Variants in ZNF638 observed in about 807,000 individuals in gnomAD.
The protein encoded by ZNF638 is CTCL tumor antigen se33-1.
In ZNF638, 46 loss-of-function variants were observed where a neutral mutation model predicts 195.6. The observed-to-expected ratio is 0.24, with a 90% CI of 0.19 to 0.30. The LOEUF (loss-of-function observed/expected upper bound fraction) is 0.30, where lower values mean the gene tolerates loss of function less well. Among genes scored for constraint, ZNF638 ranks in the 10% least tolerant of loss-of-function variants. ZNF638 has a pLI of 1.00. For synonymous variants in ZNF638, 845 were observed against 772.0 expected (o/e 1.09, Z -1.57); for missense variants, 2,440 against 2,325.3 (o/e 1.05, Z -1.01).
intron 3 of ZNF638, among the ~76,000 whole-genome samples, chr2:71,359,073 TCGC>T (rs2079067933): frequency 1.3e-5 from 2 of 152,188 alleles, no homozygotes; most frequent in Non-Finnish European, 2.9e-5. Flanking sequence ...CTTATGTGAC[TCGC>T]TTAGTGTGAT....
At chr2:71,394,921 C>G (rs112461051) in intron 10 of ZNF638, among the ~76,000 whole-genome samples, 3 of 152,126 alleles carry the variant, frequency 2.0e-5, no homozygotes, top group African/African-American at 7.2e-5. Context: ...TGACAAGATG[C>G]GCTGGCATTC....
At chr2:71,420,371 TTTTA>T (rs1201785011) in intron 21 of ZNF638, among the ~76,000 whole-genome samples, 3 of 152,168 alleles carry the variant, frequency 2.0e-5, no homozygotes, top group Non-Finnish European at 4.4e-5. Flanking sequence ...TGTAAACAGA[TTTTA>T]TTTATCATCT....
At chr2:71,354,878 AT>A (rs2078998851) in intron 2 of ZNF638, among the ~76,000 whole-genome samples, 1 of 152,044 alleles carries the variant, frequency 6.6e-6, no homozygotes, top group East Asian at 1.9e-4. Flanking sequence ...ATTTTTCCCC[AT>A]GTTTTTCCTA....
chr2:71,379,900 T>C (rs946095041), intron 8 of ZNF638: 2 of 162,312 alleles, frequency 1.2e-5, no homozygotes, highest in African/African-American at 4.8e-5. Context: ...ATGTCTAATT[T>C]ATAAATTAAA....
intron 5 of ZNF638, 86 bp downstream of exon 5, chr2:71,364,338 T>C: frequency 7.3e-7 from 1 of 1,378,258 alleles, no homozygotes; most frequent in East Asian, 2.4e-5. Flanking sequence ...AGAAATGTTC[T>C]ACTTTATTAA....
intron 10 of ZNF638, chr2:71,395,579 G>A (rs920407430): frequency 5.2e-5 from 31 of 595,248 alleles, no homozygotes; most frequent in African/African-American, 1.9e-4. Flanking sequence ...ATCCTATTGC[G>A]CGCAGGACTG....
chr2:71,430,396 A>G (rs78948409), intron 25 of ZNF638, among the ~76,000 whole-genome samples: 7,208 of 152,284 alleles, frequency 0.047, 233 homozygotes, highest in Non-Finnish European at 0.073. Flanking sequence ...TATTGATTGT[A>G]GGACTTGATG....
intron 26 of ZNF638, among the ~76,000 whole-genome samples, chr2:71,432,962 C>T (rs996009076): frequency 1.3e-5 from 2 of 152,184 alleles, no homozygotes; most frequent in East Asian, 3.9e-4. Context: ...TGGCGCACAC[C>T]TGTAATCCTA....
rs1553471478 is a variant in ZNF638 at position 71,367,751 on chromosome 2, T to TTA, written c.1996-631_1996-630insTA. Among the ~76,000 whole-genome samples, 438 of 149,458 alleles carry TTA rather than the reference T, an allele frequency of 2.9e-3. 3 individuals carry two copies. Among genetic ancestry groups the TTA allele is most frequent in the Admixed American group, 8.9e-3 (134 of 15,020 alleles). ...ACCAGGCCTGGCCTTTTTTTTTTTTTAAAAATATAGAGTCTTAGTATGTTG... is the reference window on the plus strand; with the variant it reads ...ACCAGGCCTGGCCTTTTTTTTTTTTTTAAAAAATATAGAGTCTTAGTATGTTG... On this transcript the variant is annotated intron_variant, in intron 6 of 27. Coordinates refer to ENST00000264447, the MANE Select transcript of ZNF638 (RefSeq NM_014497.5).
intron 11 of ZNF638, among the ~76,000 whole-genome samples, chr2:71,398,005 C>T (rs1048176359): frequency 6.6e-6 from 1 of 152,120 alleles, no homozygotes; most frequent in African/African-American, 2.4e-5. Context: ...TTGGGAGGAT[C>T]TAGGTTTAAC....
chr2:71,389,639 A>G (rs542839503), intron 10 of ZNF638, among the ~76,000 whole-genome samples: 29 of 152,232 alleles, frequency 1.9e-4, no homozygotes, highest in Non-Finnish European at 3.1e-4. Context: ...CCCTAAGCCT[A>G]TGCACAAGTG....
chr2:71,350,574 C>T (rs542294643), intron 2 of ZNF638, among the ~76,000 whole-genome samples: 3 of 152,260 alleles, frequency 2.0e-5, no homozygotes, highest in Admixed American at 1.3e-4. Flanking sequence ...TGCGTACTTA[C>T]AAGACAATGT....
At chr2:71,433,463 T>C in intron 27 of ZNF638, 180 bp downstream of exon 27, 1 of 543,750 alleles carries the variant, frequency 1.8e-6, no homozygotes, top group Non-Finnish European at 3.3e-6. Flanking sequence ...CCTTATTCCT[T>C]TTCCTTGAAC....
chr2:71,363,321 A>G (rs1371915859), intron 4 of ZNF638, 130 bp downstream of exon 4: 2 of 654,172 alleles, frequency 3.1e-6, no homozygotes, highest in South Asian at 2.1e-5. Flanking sequence ...AAAAACCTCT[A>G]TGAATCTTTA....
At chr2:71,359,233 T>TGGTA (rs2079070705) in intron 3 of ZNF638, among the ~76,000 whole-genome samples, 1 of 152,176 alleles carries the variant, frequency 6.6e-6, no homozygotes, top group African/African-American at 2.4e-5. Context: ...TCTGGGTTTC[T>TGGTA]GGTAGTGTGG....
intron 8 of ZNF638, among the ~76,000 whole-genome samples, chr2:71,371,576 A>G (rs2079313992): frequency 6.6e-6 from 1 of 151,850 alleles, no homozygotes; most frequent in African/African-American, 2.4e-5. Flanking sequence ...TGTAGTTTTG[A>G]TTTGCATTTC....
chr2:71,379,774 C>T (rs10175747), intron 8 of ZNF638: 27,579 of 152,186 alleles, frequency 0.18, 2,983 homozygotes, highest in African/African-American at 0.29. Context: ...GAATGCCTAA[C>T]GAATATGCGT....
At chr2:71,396,020 A>C in intron 10 of ZNF638, 121 bp from the exon 11 acceptor site, 4 of 813,850 alleles carry the variant, frequency 4.9e-6, no homozygotes. Flanking sequence ...GGACATACAA[A>C]GATGAGTATA....
chr2:71,426,437 T>C (rs1378353435), intron 23 of ZNF638, 23 bp from the exon 24 acceptor site: 1 of 1,524,448 alleles, frequency 6.6e-7, no homozygotes, highest in Non-Finnish European at 8.8e-7. Context: ...TTTACAATAC[T>C]ATGATTTTTA....
Sources: gnomAD v4.1 joint callset for allele counts (sites outside exome capture counted in the v4.1 genomes callset) on GRCh38, gnomAD v4.1.1 for gene constraint, MANE v1.5 for transcripts, NCBI Gene and HGNC (gene_info 2026-07-23, HGNC 2026-07-21) for gene names.